ARHGEF3: variants seen among roughly 807,000 people sequenced by gnomAD.
ARHGEF3 encodes Rho guanine nucleotide exchange factor 3, also known as 59.8 kDA protein.
Under a neutral mutation model 63.2 loss-of-function variants are expected in ARHGEF3, and 28 were observed. The observed-to-expected ratio is 0.44, with a 90% CI of 0.33 to 0.61. The LOEUF (loss-of-function observed/expected upper bound fraction) is 0.61, where lower values mean the gene tolerates loss of function less well. Ranked by LOEUF, ARHGEF3 falls within the 20% of genes least tolerant of loss-of-function variation. ARHGEF3 has a pLI of 0.03. For synonymous variants in ARHGEF3, 266 were observed against 254.2 expected (o/e 1.05, Z -0.44); for missense variants, 533 against 659.3 (o/e 0.81, Z 2.10).
At chr3:56,958,693 A>T (rs533937502) in intron 3 of ARHGEF3, 622 of 983,582 alleles carry the variant, frequency 6.3e-4, no homozygotes, top group Non-Finnish European at 8.6e-4. Flanking sequence ...CCCAAGTGGT[A>T]AAGCACAGAT....
intron 4 of ARHGEF3, among the ~76,000 whole-genome samples, chr3:56,874,125 T>A (rs2040514623): frequency 6.6e-6 from 1 of 152,138 alleles, no homozygotes; most frequent in South Asian, 2.1e-4. Context: ...AAAGCACAAG[T>A]AAATTTGCCA....
chr3:56,765,426 C>T (rs558396273), intron 2 of ARHGEF3, among the ~76,000 whole-genome samples: 2 of 152,266 alleles, frequency 1.3e-5, no homozygotes, highest in Non-Finnish European at 2.9e-5. Flanking sequence ...CCCTAACACA[C>T]ATGTGCCTTC....
intron 4 of ARHGEF3, among the ~76,000 whole-genome samples, chr3:56,825,902 T>C (rs1040927239): frequency 2.6e-5 from 4 of 152,194 alleles, no homozygotes; most frequent in African/African-American, 4.8e-5. Context: ...GAGCCTGCTA[T>C]CAGTTTCTTT....
chr3:56,738,099 A>G (rs1398198711), intron 7 of ARHGEF3, among the ~76,000 whole-genome samples: 1 of 152,024 alleles, frequency 6.6e-6, no homozygotes, highest in Non-Finnish European at 1.5e-5. Context: ...GCTGGAGTGC[A>G]GTGGCGTGAT....
At chr3:56,909,417 G>A (rs1448767290) in intron 3 of ARHGEF3, among the ~76,000 whole-genome samples, 1 of 152,218 alleles carries the variant, frequency 6.6e-6, no homozygotes, top group East Asian at 1.9e-4. Context: ...TGCAGAGCCT[G>A]CCTCTCTCCC....
rs140641375 is a variant in ARHGEF3, at chr3:56,859,299, G to A, written c.192+22993C>T. ...ACTACAGGCGCCCACCACCAGGCTC[G>A]GCTAATTTTTTGTATTTTTTTAGTA... On this transcript the variant is annotated intron_variant, in intron 4 of 12. Coordinates refer to the ARHGEF3 transcript ENST00000338458. Among the ~76,000 whole-genome samples, 255 of 151,720 alleles carry A rather than the reference G, an allele frequency of 1.7e-3. 1 individual carries two copies. Among genetic ancestry groups the A allele is most frequent in the African/African-American group, 6.0e-3 (248 of 41,352 alleles).
At chr3:57,005,192 G>A (rs1195254670) in intron 2 of ARHGEF3, among the ~76,000 whole-genome samples, 2 of 152,122 alleles carry the variant, frequency 1.3e-5, no homozygotes, top group Non-Finnish European at 2.9e-5. Context: ...AGATGGGAAT[G>A]GGAACGTCCA....
At chr3:56,823,703 C>A (rs932831895) in intron 4 of ARHGEF3, among the ~76,000 whole-genome samples, 4 of 152,128 alleles carry the variant, frequency 2.6e-5, no homozygotes, top group Non-Finnish European at 4.4e-5. Context: ...CCCCAAATAA[C>A]TAGACCCCAG....
chr3:56,894,272 T>C (rs2108290542), intron 3 of ARHGEF3, among the ~76,000 whole-genome samples: 1 of 152,314 alleles, frequency 6.6e-6, no homozygotes, highest in Non-Finnish European at 1.5e-5. Context: ...AGACACTGCA[T>C]CTCTTTTGTT....
At chr3:56,978,505 A>C (rs1701207412) in intron 2 of ARHGEF3, among the ~76,000 whole-genome samples, 1 of 152,250 alleles carries the variant, frequency 6.6e-6, no homozygotes, top group African/African-American at 2.4e-5. Flanking sequence ...ATAAACAAAC[A>C]AAAAGTACTC....
chr3:57,057,301 C>T (rs150516626), intron 1 of ARHGEF3, among the ~76,000 whole-genome samples: 14 of 151,928 alleles, frequency 9.2e-5, no homozygotes, highest in Middle Eastern at 3.4e-3. Context: ...TAGTAGAGAG[C>T]GGTTTTGCCA....
At chr3:56,919,874 G>A (rs970625785) in intron 3 of ARHGEF3, among the ~76,000 whole-genome samples, 1 of 152,210 alleles carries the variant, frequency 6.6e-6, no homozygotes. Flanking sequence ...TGGTGAGGTT[G>A]GTCAGGAGTG....
At chr3:56,898,986 G>A (rs2041411937) in intron 3 of ARHGEF3, among the ~76,000 whole-genome samples, 1 of 152,186 alleles carries the variant, frequency 6.6e-6, no homozygotes, top group Admixed American at 6.5e-5. Flanking sequence ...CCCAGGAGGT[G>A]GAGGTTGCAG....
At chr3:56,845,310 G>C (rs1024590134) in intron 4 of ARHGEF3, among the ~76,000 whole-genome samples, 19 of 152,222 alleles carry the variant, frequency 1.2e-4, no homozygotes, top group Admixed American at 9.2e-4. Flanking sequence ...CATAATAAAT[G>C]TGTGTTGTTT....
At chr3:56,765,631 C>T (rs2035662209) in intron 2 of ARHGEF3, among the ~76,000 whole-genome samples, 3 of 152,136 alleles carry the variant, frequency 2.0e-5, no homozygotes, top group African/African-American at 7.2e-5. Flanking sequence ...CCCATATTCC[C>T]TTCTGAAGCC....
In ARHGEF3 at chr3:56,855,410, G is replaced by A. The variant is rs142548835; in HGVS notation, c.192+26882C>T. On this transcript the variant is annotated intron_variant, in intron 4 of 12. Coordinates refer to the ARHGEF3 transcript ENST00000338458. ...CAAAAACAAGTAGTCTGGGCTGGGC[G>A]TGGTGGTTCCTGCCTGTAATCCTAG... is the stretch of plus-strand genomic sequence containing the variant. Among the ~76,000 whole-genome samples the A allele has an allele frequency of 4.3e-3, 660 of 152,216 alleles. 1 individual carries two copies. Among genetic ancestry groups the A allele is most frequent in the African/African-American group, 0.015 (616 of 41,536 alleles).
intron 1 of ARHGEF3, among the ~76,000 whole-genome samples, chr3:56,786,722 T>TA (rs2036838152): frequency 2.0e-5 from 3 of 151,968 alleles, no homozygotes; most frequent in Non-Finnish European, 2.9e-5. Flanking sequence ...CCTGTGAATA[T>TA]AAAAAAATGA....
chr3:57,036,831 T>C (rs1353920335), intron 1 of ARHGEF3, among the ~76,000 whole-genome samples: 1 of 152,210 alleles, frequency 6.6e-6, no homozygotes, highest in African/African-American at 2.4e-5. Flanking sequence ...CTTTGATTAC[T>C]GAGAATCACA....
At chr3:56,945,714 C>T (rs569662243) in intron 3 of ARHGEF3, among the ~76,000 whole-genome samples, 2 of 152,338 alleles carry the variant, frequency 1.3e-5, no homozygotes, top group African/African-American at 4.8e-5. Flanking sequence ...AGGGCATAGC[C>T]AAATAAAAGG....
Sources: allele counts gnomAD v4.1 joint callset (sites outside exome capture counted in the v4.1 genomes callset), GRCh38; gene constraint gnomAD v4.1.1; transcripts MANE v1.5; gene names NCBI Gene and HGNC (gene_info 2026-07-23, HGNC 2026-07-21).